The following OTOGL variants were observed in gnomAD, a reference collection of about 807,000 sequenced individuals.
OTOGL encodes otogelin-like protein.
A neutral mutation model predicts 318.5 loss-of-function variants in OTOGL; 285 were observed. That is an observed-to-expected ratio of 0.89 (90% CI 0.81 to 0.99). The LOEUF is 0.99. OTOGL is among the 50% of genes least tolerant of loss of function. OTOGL has a pLI of 0.00. For missense variants in OTOGL, 2,899 were observed against 2,845.6 expected, an observed-to-expected ratio of 1.02 and a Z score of -0.43; for synonymous variants, 987 against 936.5, an observed-to-expected ratio of 1.05 and a Z score of -0.99.
At chr12:80,335,218 C>T (rs1279404633) in intron 38 of OTOGL, among the ~76,000 whole-genome samples, 1 of 152,038 alleles carries the variant, frequency 6.6e-6, no homozygotes, top group Non-Finnish European at 1.5e-5. Context: ...AGTGCCTGGA[C>T]TTAGATGCTG....
intron 1 of OTOGL, among the ~76,000 whole-genome samples, chr12:80,156,184 G>C (rs115663757): frequency 1.3e-5 from 2 of 152,188 alleles, no homozygotes; most frequent in Non-Finnish European, 2.9e-5. Context: ...AGCTGCCAGC[G>C]TGGCCAGAAT....
chr12:80,304,840 A>G (rs1886005393), intron 28 of OTOGL, among the ~76,000 whole-genome samples: 1 of 152,194 alleles, frequency 6.6e-6, no homozygotes, highest in Non-Finnish European at 1.5e-5. Flanking sequence ...GAATTTAGAC[A>G]TGCTGAATGC....
At chr12:80,101,220 G>GAGCTCCTCCT (rs1869118046) in intron 1 of OTOGL, among the ~76,000 whole-genome samples, 1 of 152,178 alleles carries the variant, frequency 6.6e-6, no homozygotes, top group East Asian at 1.9e-4. Flanking sequence ...GTGAAAGGTT[G>GAGCTCCTCCT]ATGTTTCCGC....
chr12:80,319,918 T>C (rs1048961013), intron 33 of OTOGL, among the ~76,000 whole-genome samples: 9 of 152,186 alleles, frequency 5.9e-5, no homozygotes, highest in Non-Finnish European at 1.3e-4. Context: ...GTAAGATCTC[T>C]TTCAAGAACA....
intron 54 of OTOGL, 123 bp from the exon 55 acceptor site, chr12:80,368,082 C>T: frequency 1.4e-6 from 1 of 699,302 alleles, no homozygotes; most frequent in Non-Finnish European, 2.3e-6. Flanking sequence ...TCATATTCAA[C>T]CTTAGAAATC....
intron 57 of OTOGL, among the ~76,000 whole-genome samples, chr12:80,374,245 G>A (rs2138112188): frequency 6.6e-6 from 1 of 152,150 alleles, no homozygotes; most frequent in Non-Finnish European, 1.5e-5. Flanking sequence ...TTTCCTGTAT[G>A]TGTGTCTAAC....
intron 3 of OTOGL, 119 bp downstream of exon 3, chr12:80,211,005 A>G (rs1877213887): frequency 1.7e-5 from 10 of 599,682 alleles, no homozygotes; most frequent in Middle Eastern, 2.8e-4. Context: ...ACAAAAAAGC[A>G]TGAAATATAC....
chr12:80,188,629 TA>T (rs890126034), intron 1 of OTOGL, among the ~76,000 whole-genome samples: 5 of 151,648 alleles, frequency 3.3e-5, no homozygotes, highest in Non-Finnish European at 5.9e-5. Flanking sequence ...CAAATGTCCA[TA>T]AAAAACAAAG....
intron 27 of OTOGL, among the ~76,000 whole-genome samples, chr12:80,301,558 C>T (rs1188356263): frequency 6.6e-6 from 1 of 152,174 alleles, no homozygotes; most frequent in African/African-American, 2.4e-5. Flanking sequence ...CTTTGACTTT[C>T]TTGTCCCTAA....
intron 1 of OTOGL, among the ~76,000 whole-genome samples, chr12:80,156,259 C>T (rs1592503097): frequency 1.3e-5 from 2 of 152,160 alleles, no homozygotes; most frequent in East Asian, 1.9e-4. Context: ...ATCTTTCTCC[C>T]TTGCTGAATG....
At chr12:80,163,335 G>A (rs967514505) in intron 1 of OTOGL, among the ~76,000 whole-genome samples, 9 of 151,964 alleles carry the variant, frequency 5.9e-5, no homozygotes, top group Non-Finnish European at 1.3e-4. Context: ...GAAACAAATA[G>A]TGGAATGACA....
At chr12:80,149,312 G>C (rs4405384) in intron 1 of OTOGL, among the ~76,000 whole-genome samples, 85,509 of 150,466 alleles carry the variant, frequency 0.57, 25,729 homozygotes, top group African/African-American at 0.78. Context: ...AGTACCCTGC[G>C]GTGTGAGGTG....
intron 1 of OTOGL, among the ~76,000 whole-genome samples, chr12:80,123,940 T>C (rs377574496): frequency 6.6e-6 from 1 of 152,072 alleles, no homozygotes; most frequent in African/African-American, 2.4e-5. Flanking sequence ...GGATATTAGC[T>C]CTTTGTCAGA....
At chr12:80,112,449 A>C (rs1009859681) in intron 1 of OTOGL, among the ~76,000 whole-genome samples, 1 of 152,174 alleles carries the variant, frequency 6.6e-6, no homozygotes, top group Non-Finnish European at 1.5e-5. Context: ...TGTTTTTAGC[A>C]TGAAGGGGTG....
intron 26 of OTOGL, among the ~76,000 whole-genome samples, chr12:80,293,165 A>G (rs1885160179): frequency 6.6e-6 from 1 of 151,970 alleles, no homozygotes; most frequent in African/African-American, 2.4e-5. Context: ...AAAGATAGCT[A>G]AAAAGGTAAA....
chr12:80,318,586 G>C lies in OTOGL; in HGVS notation c.3675G>C (p.Gln1225His), dbSNP rs139375212. 174 of 1,432,178 alleles carry C rather than the reference G, an allele frequency of 1.2e-4. 2 individuals are homozygous for C. In the African/African-American group the frequency reaches 1.9e-3, roughly 16 times the overall value. 88.7% of individuals were successfully genotyped at this position (1,432,178 alleles called of 1,614,324 possible). A position where few individuals can be genotyped will look rare whatever the true frequency, so the allele number is the denominator to read the frequency against. ...CATATATGCTGGCAAGCTATGGGCA[G>C]AGTGGCCTTGTTCTGGGGGCCAATA... ...EGPYMLASYG[Q>H]SGLVLGANMT... The change falls in exon 33 of 59, where the codon CAG becomes CAC. Residue 1225 changes from glutamine (Q) to histidine (H), a missense_variant. Physicochemically the swap from Gln to His is conservative, Grantham distance 24 (BLOSUM62 0). Coordinates refer to ENST00000547103, the MANE Select transcript of OTOGL (RefSeq NM_001378609.3).
intron 30 of OTOGL, 102 bp downstream of exon 30, chr12:80,310,829 T>C (rs1038359165): frequency 2.2e-5 from 19 of 846,550 alleles, no homozygotes; most frequent in Non-Finnish European, 3.2e-5. Context: ...ACTGGCTTTT[T>C]AGATATACCA....
chr12:80,158,110 C>A (rs1873248131), intron 1 of OTOGL, among the ~76,000 whole-genome samples: 1 of 152,012 alleles, frequency 6.6e-6, no homozygotes, highest in Non-Finnish European at 1.5e-5. Flanking sequence ...TTATTCACAA[C>A]TCTAAAATCT....
At chr12:80,256,761 G>A (rs1288521759) in intron 17 of OTOGL, among the ~76,000 whole-genome samples, 1 of 152,124 alleles carries the variant, frequency 6.6e-6, no homozygotes, top group Non-Finnish European at 1.5e-5. Context: ...GAGTCTAAAT[G>A]AGGTGCAGCT....
Sources: allele counts gnomAD v4.1 joint callset (sites outside exome capture counted in the v4.1 genomes callset), GRCh38; gene constraint gnomAD v4.1.1; transcripts MANE v1.5; gene names NCBI Gene and HGNC (gene_info 2026-07-23, HGNC 2026-07-21).